Variants in NR3C2 observed in about 807,000 individuals in gnomAD.
NR3C2 encodes the protein mineralocorticoid receptor.
A neutral mutation model predicts 86.4 loss-of-function variants in NR3C2; 15 were observed. The ratio of observed to expected loss-of-function variants is 0.17; its 90% CI spans 0.12 to 0.27. The LOEUF is 0.27. Ranked by LOEUF, NR3C2 falls within the 10% of genes least tolerant of loss-of-function variation. NR3C2 has a pLI of 1.00. For missense variants in NR3C2, 960 were observed against 1,195.6 expected (o/e 0.80, Z 2.91); for synonymous variants, 458 against 450.5 (o/e 1.02, Z -0.21).
rs547814855 is a variant in NR3C2, at chr4:148,231,278, C to T, written c.1897+28700G>A. On this transcript the variant is annotated intron_variant, in intron 3 of 8. Coordinates refer to ENST00000358102, the MANE Select transcript of NR3C2 (RefSeq NM_000901.5). ...TCACAACGAACCAAAACTTTCAATT[C>T]GGCCTTTTTGCTATAACCATTGATA... 9.9e-5 allele frequency among the ~76,000 whole-genome samples: 15 copies of T among 152,246 alleles called. No homozygotes were observed. The South Asian group carries it at 1.2e-3, about 13-fold the overall frequency.
At chr4:148,227,875 T>C (rs1176729063) in intron 3 of NR3C2, among the ~76,000 whole-genome samples, 1 of 152,214 alleles carries the variant, frequency 6.6e-6, no homozygotes, top group Non-Finnish European at 1.5e-5. Flanking sequence ...AGTATATTGC[T>C]GCTCCAAGAT....
At chr4:148,380,875 A>G (rs1185342935) in intron 2 of NR3C2, among the ~76,000 whole-genome samples, 1 of 152,184 alleles carries the variant, frequency 6.6e-6, no homozygotes, top group African/African-American at 2.4e-5. Flanking sequence ...CCAAAAAACC[A>G]TAATATTTAA....
intron 2 of NR3C2, among the ~76,000 whole-genome samples, chr4:148,273,329 T>A (rs1234562717): frequency 6.6e-6 from 1 of 152,238 alleles, no homozygotes. Flanking sequence ...CCCTTTCTTG[T>A]GCTTGAAACA....
intron 2 of NR3C2, among the ~76,000 whole-genome samples, chr4:148,287,067 C>T (rs1741560590): frequency 6.6e-6 from 1 of 152,234 alleles, no homozygotes. Flanking sequence ...TAGAGATAAG[C>T]AGCAAGTAAG....
chr4:148,292,196 C>G (rs2149909553), intron 2 of NR3C2, among the ~76,000 whole-genome samples: 1 of 150,764 alleles, frequency 6.6e-6, no homozygotes, highest in East Asian at 1.9e-4. Context: ...TTCTTTTGGT[C>G]TTTATTATAC....
intron 2 of NR3C2, among the ~76,000 whole-genome samples, chr4:148,427,913 C>G (rs1009825955): frequency 1.3e-5 from 2 of 152,156 alleles, no homozygotes; most frequent in Non-Finnish European, 2.9e-5. Flanking sequence ...GTACGTAACT[C>G]ACTTCACAAA....
At chr4:148,119,939 A>C (rs538228150) in intron 7 of NR3C2, among the ~76,000 whole-genome samples, 74 of 152,336 alleles carry the variant, frequency 4.9e-4, no homozygotes, top group Non-Finnish European at 8.2e-4. Context: ...GGATGGATGA[A>C]GGAATGTTGG....
At chr4:148,347,461 C>T (rs1009122093) in intron 2 of NR3C2, among the ~76,000 whole-genome samples, 2 of 152,112 alleles carry the variant, frequency 1.3e-5, no homozygotes, top group Admixed American at 6.6e-5. Context: ...TCGCTTACCA[C>T]TATAGAATCT....
intron 8 of NR3C2, among the ~76,000 whole-genome samples, chr4:148,090,536 A>G (rs1482678313): frequency 6.6e-6 from 1 of 152,240 alleles, no homozygotes; most frequent in Non-Finnish European, 1.5e-5. Flanking sequence ...AACAAGAGGC[A>G]GCATGCAGCC....
At chr4:148,125,036 T>C (rs1327997207) in intron 6 of NR3C2, among the ~76,000 whole-genome samples, 2 of 152,220 alleles carry the variant, frequency 1.3e-5, no homozygotes, top group Non-Finnish European at 2.9e-5. Flanking sequence ...GGTGCTAATA[T>C]GCATATCTAA....
At chr4:148,228,008 G>A (rs995053116) in intron 3 of NR3C2, among the ~76,000 whole-genome samples, 1 of 152,016 alleles carries the variant, frequency 6.6e-6, no homozygotes, top group Non-Finnish European at 1.5e-5. Flanking sequence ...CTTGTTACTG[G>A]GTGTCACTGT....
chr4:148,119,785 CAAA>C (rs34625634), intron 7 of NR3C2, among the ~76,000 whole-genome samples: 1 of 122,090 alleles, frequency 8.2e-6, no homozygotes, highest in Admixed American at 8.3e-5. Context: ...GACTTCATCT[CAAA>C]AAAAAAAAAA....
intron 2 of NR3C2, among the ~76,000 whole-genome samples, chr4:148,391,719 T>C (rs1485390336): frequency 6.6e-6 from 1 of 151,754 alleles, no homozygotes; most frequent in Non-Finnish European, 1.5e-5. Context: ...ATACAAAAAT[T>C]AGCTGGGCAT....
At chr4:148,152,889 C>T (rs183761362) in intron 5 of NR3C2, among the ~76,000 whole-genome samples, 1 of 152,298 alleles carries the variant, frequency 6.6e-6, no homozygotes, top group Non-Finnish European at 1.5e-5. Flanking sequence ...GGATGACAGC[C>T]TAAAACCCTT....
upstream of NR3C2, chr4:148,444,960 G>A (rs1400255895): frequency 2.0e-5 from 20 of 984,864 alleles, no homozygotes; most frequent in South Asian, 5.6e-4. Context: ...TCCGGCGGCC[G>A]AGCGCGTGTG....
intron 2 of NR3C2, among the ~76,000 whole-genome samples, chr4:148,342,427 A>G (rs561966072): frequency 5.3e-5 from 8 of 152,332 alleles, no homozygotes; most frequent in African/African-American, 1.7e-4. Context: ...TAAACACCTG[A>G]TAAGAATTGG....
intron 2 of NR3C2, among the ~76,000 whole-genome samples, chr4:148,354,652 T>G (rs930922444): frequency 3.9e-5 from 6 of 152,156 alleles, no homozygotes; most frequent in Non-Finnish European, 8.8e-5. Flanking sequence ...TATTCTAAAA[T>G]AACAAGATCC....
At chr4:148,119,333 C>T (rs1732407151) in intron 7 of NR3C2, among the ~76,000 whole-genome samples, 1 of 152,134 alleles carries the variant, frequency 6.6e-6, no homozygotes, top group Admixed American at 6.5e-5. Context: ...ATGGCAATGC[C>T]ATCTCACACC....
At chr4:148,134,688 G>A (rs141012813) in intron 6 of NR3C2, among the ~76,000 whole-genome samples, 245 of 119,968 alleles carry the variant, frequency 2.0e-3, no homozygotes, top group African/African-American at 7.3e-3. Context: ...TCGCTCTATC[G>A]CCCAGGCTGG....
Sources: allele counts gnomAD v4.1 joint callset (sites outside exome capture counted in the v4.1 genomes callset), GRCh38; gene constraint gnomAD v4.1.1; transcripts MANE v1.5; gene names NCBI Gene and HGNC (gene_info 2026-07-23, HGNC 2026-07-21).